The following ERBB4 variants were observed in gnomAD, a reference collection of about 807,000 sequenced individuals.
ERBB4 encodes the protein erb-b2 receptor tyrosine kinase 4, also known as receptor tyrosine-protein kinase erbB-4.
ERBB4 carries 42 observed loss-of-function variants against 158.0 expected under a neutral mutation model. The observed-to-expected ratio is 0.27, with a 90% CI of 0.21 to 0.34. The LOEUF (loss-of-function observed/expected upper bound fraction) is 0.34. ERBB4 is among the 10% of genes least tolerant of loss of function. The pLI is 1.00. For synonymous variants in ERBB4, 583 were observed against 558.7 expected, an observed-to-expected ratio of 1.04 and a Z score of -0.61; for missense variants, 1,333 against 1,624.1, an observed-to-expected ratio of 0.82 and a Z score of 3.08.
intron 25 of ERBB4, among the ~76,000 whole-genome samples, chr2:211,411,576 A>G (rs1476671138): frequency 5.3e-5 from 8 of 152,242 alleles, no homozygotes; most frequent in African/African-American, 1.9e-4. Context: ...AACATGATCT[A>G]TATTTTGAAA....
rs72941360 is a variant in ERBB4 at position 211,572,159 on chromosome 2, C to T, written c.2302-10071G>A. On this transcript the variant is annotated intron_variant, in intron 19 of 27. Coordinates refer to ENST00000342788, the MANE Select transcript of ERBB4 (RefSeq NM_005235.3). The stretch of plus-strand genomic sequence containing the variant: ...GCTCACATCACTACTGTAAAAATAC[C>T]GCTTTTTTTAATTAACATATTCTGT... 1.5e-4 allele frequency among the ~76,000 whole-genome samples: 23 copies of T among 152,150 alleles called. No individual in the cohort carries two copies. In the East Asian group the frequency reaches 1.7e-3, roughly 12 times the overall value.
intron 1 of ERBB4, among the ~76,000 whole-genome samples, chr2:212,218,086 A>G (rs1401782802): frequency 2.0e-5 from 3 of 151,338 alleles, no homozygotes; most frequent in Non-Finnish European, 4.4e-5. Flanking sequence ...GTAACATAAT[A>G]AGAATAAAGT....
chr2:212,331,648 C>T (rs2088180851), intron 1 of ERBB4, among the ~76,000 whole-genome samples: 1 of 151,930 alleles, frequency 6.6e-6, no homozygotes. Context: ...AAATTATTAT[C>T]AAATCAAATA....
intron 1 of ERBB4, among the ~76,000 whole-genome samples, chr2:212,350,289 T>G (rs1487106275): frequency 6.6e-6 from 1 of 152,166 alleles, no homozygotes; most frequent in Non-Finnish European, 1.5e-5. Flanking sequence ...GAATTTGGGC[T>G]AAGACCTTAG....
chr2:212,280,020 T>A (rs1161658790), intron 1 of ERBB4, among the ~76,000 whole-genome samples: 3 of 151,668 alleles, frequency 2.0e-5, no homozygotes, highest in African/African-American at 7.2e-5. Flanking sequence ...ATATCTGCAA[T>A]TGAATTGCAA....
chr2:212,178,503 C>T (rs2081750624), intron 1 of ERBB4, among the ~76,000 whole-genome samples: 1 of 151,698 alleles, frequency 6.6e-6, no homozygotes, highest in South Asian at 2.1e-4. Context: ...TCAATCATAA[C>T]CACTAGGTTT....
chr2:212,480,438 G>A (rs578261774), intron 1 of ERBB4, among the ~76,000 whole-genome samples: 1 of 152,288 alleles, frequency 6.6e-6, no homozygotes, highest in African/African-American at 2.4e-5. Flanking sequence ...GGAGATTTTG[G>A]ATACTGTTTA....
At chr2:212,265,497 A>T (rs879430915) in intron 1 of ERBB4, among the ~76,000 whole-genome samples, 7 of 152,100 alleles carry the variant, frequency 4.6e-5, no homozygotes, top group Non-Finnish European at 1.0e-4. Flanking sequence ...CAGATAGAGT[A>T]AGAGAGAAGT....
rs1337089943 is a variant in ERBB4, at chr2:212,116,215, T to G, written c.234+8537A>C. Reference sequence around the variant, plus strand: ...GGTCACTATATTTACAATATTTGTATATACTATACTTATATGTATATCTTT... The same window carrying G: ...GGTCACTATATTTACAATATTTGTAGATACTATACTTATATGTATATCTTT... On this transcript the variant is annotated intron_variant, in intron 2 of 27. Transcript: ENST00000342788. 5.9e-5 allele frequency among the ~76,000 whole-genome samples: 9 copies of G among 151,648 alleles called. No homozygotes were observed. In the East Asian group the frequency reaches 1.7e-3, roughly 29 times the overall value.
At chr2:211,638,518 T>C (rs2070446059) in intron 16 of ERBB4, among the ~76,000 whole-genome samples, 1 of 152,200 alleles carries the variant, frequency 6.6e-6, no homozygotes, top group Non-Finnish European at 1.5e-5. Context: ...GGTATTACAA[T>C]AGGTCTCTGT....
At chr2:212,311,276 G>A (rs1213810292) in intron 1 of ERBB4, among the ~76,000 whole-genome samples, 1 of 150,074 alleles carries the variant, frequency 6.7e-6, no homozygotes, top group Non-Finnish European at 1.5e-5. Flanking sequence ...TAAATGAATA[G>A]GAAAATAGAG....
chr2:211,725,721 T>C (rs1472332438), intron 5 of ERBB4, among the ~76,000 whole-genome samples: 1 of 151,940 alleles, frequency 6.6e-6, no homozygotes, highest in African/African-American at 2.4e-5. Flanking sequence ...AAGGTCCTAG[T>C]AGAAGGTGTC....
intron 1 of ERBB4, among the ~76,000 whole-genome samples, chr2:212,133,347 T>C (rs539717358): frequency 4.0e-5 from 6 of 151,884 alleles, no homozygotes; most frequent in Admixed American, 3.9e-4. Flanking sequence ...TTATCTAAAA[T>C]AGACATCAGG....
At chr2:211,698,692 A>AGAT (rs1451273674) in intron 12 of ERBB4, among the ~76,000 whole-genome samples, 12 of 152,226 alleles carry the variant, frequency 7.9e-5, no homozygotes, top group African/African-American at 2.9e-4. Context: ...TTTTAAGATG[A>AGAT]GATATATAAG....
At chr2:212,224,430 G>A (rs1432594211) in intron 1 of ERBB4, among the ~76,000 whole-genome samples, 1 of 151,892 alleles carries the variant, frequency 6.6e-6, no homozygotes, top group East Asian at 1.9e-4. Context: ...GGTGGGGAGT[G>A]AAGATAATGA....
intron 20 of ERBB4, among the ~76,000 whole-genome samples, chr2:211,556,796 T>C (rs1402556727): frequency 1.3e-5 from 2 of 152,106 alleles, no homozygotes; most frequent in Non-Finnish European, 2.9e-5. Context: ...AGAGCCTGAA[T>C]AGCCAAAGCA....
At chr2:212,300,895 T>C (rs2086595297) in intron 1 of ERBB4, among the ~76,000 whole-genome samples, 1 of 151,512 alleles carries the variant, frequency 6.6e-6, no homozygotes, top group Admixed American at 6.6e-5. Context: ...GCAATACCTC[T>C]ACATGTGCTT....
chr2:211,428,213 A>T (rs2063673188), intron 22 of ERBB4, among the ~76,000 whole-genome samples, 195 bp downstream of exon 22: 1 of 129,442 alleles, frequency 7.7e-6, no homozygotes, highest in Non-Finnish European at 1.5e-5. Flanking sequence ...CGCAGAACTT[A>T]AAATAAAATA....
chr2:211,886,543 A>C (rs2078806306), intron 3 of ERBB4, among the ~76,000 whole-genome samples: 1 of 152,228 alleles, frequency 6.6e-6, no homozygotes, highest in Non-Finnish European at 1.5e-5. Context: ...CACTGACTAT[A>C]TAAAGAGGCC....
Sources: allele counts gnomAD v4.1 joint callset (sites outside exome capture counted in the v4.1 genomes callset), GRCh38; gene constraint gnomAD v4.1.1; transcripts MANE v1.5; gene names NCBI Gene and HGNC (gene_info 2026-07-23, HGNC 2026-07-21).